Variants in CCDC171 observed in about 807,000 individuals in gnomAD.
CCDC171 encodes the protein coiled-coil domain containing 171.
Under a neutral mutation model 168.2 loss-of-function variants are expected in CCDC171, and 177 were observed. The ratio of observed to expected loss-of-function variants is 1.05; its 90% CI spans 0.93 to 1.19. The LOEUF (loss-of-function observed/expected upper bound fraction) is 1.19, where lower values mean the gene tolerates loss of function less well. Ranked by LOEUF, CCDC171 falls within the 50% of genes most tolerant of loss-of-function variation. The probability of loss-of-function intolerance (pLI) is 0.00; values close to 1 mark genes in which losing one functional copy is unlikely to be tolerated. For missense variants in CCDC171, 1,991 were observed against 1,539.0 expected, an observed-to-expected ratio of 1.29 and a Z score of -4.91; for synonymous variants, 687 against 540.8, an observed-to-expected ratio of 1.27 and a Z score of -3.75.
At chr9:16,067,457 T>C in the CCDC171 span, among the ~76,000 whole-genome samples, 1 of 152,174 alleles carries the variant, frequency 6.6e-6, no homozygotes, top group Non-Finnish European at 1.5e-5. Context: ...GCAGAAGCTC[T>C]TTAGTTTAAT....
At chr9:15,596,771 C>T (rs1376187573) in intron 6 of CCDC171, among the ~76,000 whole-genome samples, 1 of 151,928 alleles carries the variant, frequency 6.6e-6, no homozygotes, top group African/African-American at 2.4e-5. Context: ...TTCTTCCTAC[C>T]CATGAGCATG....
chr9:15,685,379 C>T (rs2050318948), intron 10 of CCDC171, among the ~76,000 whole-genome samples: 1 of 152,068 alleles, frequency 6.6e-6, no homozygotes, highest in Non-Finnish European at 1.5e-5. Flanking sequence ...ATAATCCCAG[C>T]ACTTTGAGAA....
intron 3 of CCDC171, among the ~76,000 whole-genome samples, chr9:15,990,464 CA>C (rs1250099627): frequency 6.6e-6 from 1 of 152,150 alleles, no homozygotes; most frequent in Non-Finnish European, 1.5e-5. Flanking sequence ...CCAGCCACTG[CA>C]AAAACATGCC....
intron 9 of CCDC171, 74 bp from the exon 10 acceptor site, chr9:15,678,684 A>G (rs1404966417): frequency 1.1e-5 from 13 of 1,220,936 alleles, no homozygotes; most frequent in South Asian, 1.6e-5. Flanking sequence ...CATCTGCCAT[A>G]TGTATTAAAG....
In CCDC171 at chr9:15,818,525, C is replaced by T. The variant is rs189558022; in HGVS notation, c.3268-28177C>T. On this transcript the variant is annotated intron_variant, in intron 21 of 25. Transcript: ENST00000380701. Reference sequence around the variant, plus strand: ...AAGGACCTGATGAAGCTGAAAACCACGGCACGAGAACTACGTGATAAATGC... The same window carrying T: ...AAGGACCTGATGAAGCTGAAAACCATGGCACGAGAACTACGTGATAAATGC... 5.5e-4 allele frequency among the ~76,000 whole-genome samples: 65 copies of T among 118,378 alleles called. 15 individuals are homozygous for T. Among genetic ancestry groups the T allele is most frequent in the African/African-American group, 7.6e-4 (24 of 31,626 alleles). The allele number at this position is 118,378 out of a possible 152,430, so 77.7% of individuals were successfully genotyped here. A position where few individuals can be genotyped will look rare whatever the true frequency, so the allele number is the denominator to read the frequency against.
At chr9:16,017,098 G>A (rs1323710427) in intron 3 of CCDC171, among the ~76,000 whole-genome samples, 1 of 151,920 alleles carries the variant, frequency 6.6e-6, no homozygotes, top group Non-Finnish European at 1.5e-5. Context: ...TATTGGTGGT[G>A]GAGTAGATTA....
chr9:16,103,062 T>C, the CCDC171 span, among the ~76,000 whole-genome samples: 2 of 152,364 alleles, frequency 1.3e-5, no homozygotes, highest in Non-Finnish European at 2.9e-5. Context: ...TCTCACCTCC[T>C]GAGGGGACCT....
intron 7 of CCDC171, among the ~76,000 whole-genome samples, chr9:15,646,208 G>T (rs2047022273): frequency 6.6e-6 from 1 of 152,114 alleles, no homozygotes; most frequent in Non-Finnish European, 1.5e-5. Flanking sequence ...GAGAGATTTT[G>T]TCACCACCAG....
At chr9:15,588,099 G>C (rs781544485) in intron 4 of CCDC171, among the ~76,000 whole-genome samples, 6 of 152,136 alleles carry the variant, frequency 3.9e-5, no homozygotes, top group Admixed American at 6.5e-5. Flanking sequence ...GCCAGGCGTG[G>C]TGGCAAGTGC....
chr9:16,023,200 A>G (rs1833209349), intron 6 of CCDC171, among the ~76,000 whole-genome samples: 1 of 151,992 alleles, frequency 6.6e-6, no homozygotes, highest in Admixed American at 6.5e-5. Context: ...AGCAATTTGA[A>G]CTGCTTATTA....
At chr9:15,915,806 G>T (rs930140320) in intron 24 of CCDC171, among the ~76,000 whole-genome samples, 1 of 151,974 alleles carries the variant, frequency 6.6e-6, no homozygotes, top group Admixed American at 6.6e-5. Context: ...AGTTCTTTGA[G>T]GATTTTTATC....
chr9:16,021,530 T>A (rs1266686133), intron 4 of CCDC171, among the ~76,000 whole-genome samples: 1 of 152,224 alleles, frequency 6.6e-6, no homozygotes. Context: ...GGGAGCTGGC[T>A]GAGGAATCAA....
chr9:15,947,653 A>C (rs1234914708), intron 25 of CCDC171, among the ~76,000 whole-genome samples: 2 of 151,934 alleles, frequency 1.3e-5, no homozygotes, highest in Admixed American at 6.6e-5. Context: ...ATTGTGAATA[A>C]TGTTCCTACG....
In CCDC171 at chr9:15,784,577, G is replaced by C. The variant is rs1454014669; in HGVS notation, c.3150G>C (p.Glu1050Asp). The change falls in exon 21 of 26, where the codon GAG becomes GAC. Residue 1050 changes from glutamate to aspartate, a missense_variant. Coordinates refer to ENST00000380701, the MANE Select transcript of CCDC171 (RefSeq NM_173550.4). ...EELNNALLRE[E>D]QAQMLLNEQA... ...TAAATAATGCATTACTTCGGGAAGA[G>C]CAGGCACAAATGCTATTGAATGAAC... The C allele has an allele frequency of 1.6e-5, 26 of 1,613,248 alleles. No homozygotes were observed. Among genetic ancestry groups the C allele is most frequent in the Non-Finnish European group, 2.0e-5 (24 of 1,179,424 alleles).
intron 8 of CCDC171, among the ~76,000 whole-genome samples, chr9:15,662,561 A>T (rs1043180667): frequency 6.6e-6 from 1 of 152,080 alleles, no homozygotes; most frequent in African/African-American, 2.4e-5. Flanking sequence ...TTCGCAGTCT[A>T]TGTTCTCTTA....
intron 4 of CCDC171, among the ~76,000 whole-genome samples, chr9:15,580,172 A>G (rs1486040971): frequency 6.6e-6 from 1 of 152,212 alleles, no homozygotes; most frequent in African/African-American, 2.4e-5. Flanking sequence ...CCACATGTAG[A>G]AGAGTGAAGC....
At chr9:15,633,734 T>C (rs1418083982) in intron 7 of CCDC171, among the ~76,000 whole-genome samples, 3 of 152,156 alleles carry the variant, frequency 2.0e-5, no homozygotes, top group Admixed American at 6.5e-5. Flanking sequence ...CGTATGTTTA[T>C]TGTGGCACTA....
chr9:15,664,380 C>G (rs1326831323), intron 8 of CCDC171, among the ~76,000 whole-genome samples: 4 of 152,118 alleles, frequency 2.6e-5, no homozygotes, highest in East Asian at 1.9e-4. Context: ...CCCCAAGTAG[C>G]CGGCATTACA....
At chr9:15,768,663 GTATT>G (rs1260433887) in intron 18 of CCDC171, among the ~76,000 whole-genome samples, 1 of 152,176 alleles carries the variant, frequency 6.6e-6, no homozygotes, top group East Asian at 1.9e-4. Context: ...GAGAATATTA[GTATT>G]TAATTAGTAT....
Sources: allele counts gnomAD v4.1 joint callset (sites outside exome capture counted in the v4.1 genomes callset), GRCh38; gene constraint gnomAD v4.1.1; transcripts MANE v1.5; gene names NCBI Gene and HGNC (gene_info 2026-07-23, HGNC 2026-07-21).